Variants in SCMH1 observed in about 807,000 individuals in gnomAD.
SCMH1 encodes Scm polycomb group protein homolog 1, also known as polycomb protein SCMH1.
In SCMH1, 37 loss-of-function variants were observed where a neutral mutation model predicts 70.8. That is an observed-to-expected ratio of 0.52 (90% confidence interval 0.40 to 0.69). The LOEUF (loss-of-function observed/expected upper bound fraction) is 0.69, where lower values mean the gene tolerates loss of function less well. SCMH1 is among the 30% of genes least tolerant of loss of function. The probability of loss-of-function intolerance (pLI) is 0.00; values close to 1 mark genes in which losing one functional copy is unlikely to be tolerated. For synonymous variants in SCMH1, 292 were observed against 307.4 expected (o/e 0.95, Z 0.52); for missense variants, 607 against 827.3 (o/e 0.73, Z 3.27).
In SCMH1 at chr1:41,143,127, G is replaced by A; in HGVS notation, c.178-15C>T. ...GGTGTGTAGGACTGGGAAAAACAAGGCATGAGGTATAGACAGATTAAGAGT... is the reference window on the plus strand; with the variant it reads ...GGTGTGTAGGACTGGGAAAAACAAGACATGAGGTATAGACAGATTAAGAGT... On this transcript the variant is annotated splice_polypyrimidine_tract_variant and intron_variant, in intron 5 of 14. Transcript: ENST00000337495. The A allele has an allele frequency of 3.7e-6, 6 of 1,603,890 alleles. No individual in the cohort carries two copies. The highest frequency in any genetic ancestry group is 5.1e-6 in the Non-Finnish European group (6 of 1,170,866).
intron 1 of SCMH1, among the ~76,000 whole-genome samples, chr1:41,231,057 C>G (rs1661206081): frequency 6.6e-6 from 1 of 152,166 alleles, no homozygotes; most frequent in Admixed American, 6.5e-5. Flanking sequence ...GAGAACAGAA[C>G]AGTAGAATTC....
chr1:41,036,910 C>T (rs1017439750), intron 13 of SCMH1, among the ~76,000 whole-genome samples: 1 of 152,160 alleles, frequency 6.6e-6, no homozygotes, highest in African/African-American at 2.4e-5. Flanking sequence ...CCCTTGAACA[C>T]CAAGCTTGGG....
At chr1:41,096,615 A>G (rs1403443251) in intron 8 of SCMH1, among the ~76,000 whole-genome samples, 1 of 152,110 alleles carries the variant, frequency 6.6e-6, no homozygotes, top group Non-Finnish European at 1.5e-5. Context: ...AAAAGAAATA[A>G]AACACTCATC....
chr1:41,071,587 C>T (rs1206382738), intron 9 of SCMH1, among the ~76,000 whole-genome samples: 1 of 152,002 alleles, frequency 6.6e-6, no homozygotes, highest in Admixed American at 6.5e-5. Context: ...TGAGAGAAAT[C>T]TATTATTTCC....
At chr1:41,082,366 C>CTAAT (rs1660282560) in intron 8 of SCMH1, among the ~76,000 whole-genome samples, 1 of 152,172 alleles carries the variant, frequency 6.6e-6, no homozygotes, top group African/African-American at 2.4e-5. Context: ...CAGCGGATCT[C>CTAAT]TCGGCAGAAA....
At chr1:41,132,068 T>C (rs1038402094) in intron 6 of SCMH1, among the ~76,000 whole-genome samples, 3 of 152,240 alleles carry the variant, frequency 2.0e-5, no homozygotes, top group African/African-American at 7.2e-5. Flanking sequence ...TACCCAGTAA[T>C]GGGATCACTG....
chr1:41,234,927 T>G (rs1662058010), intron 1 of SCMH1, among the ~76,000 whole-genome samples: 1 of 152,100 alleles, frequency 6.6e-6, no homozygotes, highest in South Asian at 2.1e-4. Context: ...TTGAATATGT[T>G]TCCACCACGC....
chr1:41,164,733 AT>A (rs937828143), intron 2 of SCMH1, among the ~76,000 whole-genome samples: 1 of 151,132 alleles, frequency 6.6e-6, no homozygotes, highest in East Asian at 1.9e-4. Flanking sequence ...TATCCCCTTT[AT>A]TTTTTTTGCT....
At chr1:41,153,737 G>A (rs1268618941) in intron 4 of SCMH1, among the ~76,000 whole-genome samples, 1 of 152,060 alleles carries the variant, frequency 6.6e-6, no homozygotes, top group Non-Finnish European at 1.5e-5. Flanking sequence ...GACTTCTTGG[G>A]CTACCTAAGG....
chr1:41,206,740 T>A (rs868831396), intron 1 of SCMH1, among the ~76,000 whole-genome samples: 4 of 152,068 alleles, frequency 2.6e-5, no homozygotes, highest in Non-Finnish European at 5.9e-5. Flanking sequence ...CACATAATTG[T>A]CAAATTTACC....
chr1:41,135,645 G>C (rs1643176656), intron 6 of SCMH1, among the ~76,000 whole-genome samples: 1 of 152,180 alleles, frequency 6.6e-6, no homozygotes, highest in East Asian at 1.9e-4. Flanking sequence ...AGCAGCAGGA[G>C]AACGGACTAA....
intron 6 of SCMH1, among the ~76,000 whole-genome samples, chr1:41,127,500 G>C (rs1465834527): frequency 2.0e-5 from 3 of 152,052 alleles, no homozygotes; most frequent in Non-Finnish European, 4.4e-5. Context: ...AGTTTATTCT[G>C]ACATACGCTG....
chr1:41,136,566 G>A (rs1643364980), intron 6 of SCMH1, among the ~76,000 whole-genome samples: 1 of 151,352 alleles, frequency 6.6e-6, no homozygotes, highest in African/African-American at 2.4e-5. Flanking sequence ...TAGAGACGGG[G>A]TTTTACCATG....
At chr1:41,142,397 T>A (rs1644176327) in intron 6 of SCMH1, among the ~76,000 whole-genome samples, 1 of 152,188 alleles carries the variant, frequency 6.6e-6, no homozygotes, top group Non-Finnish European at 1.5e-5. Flanking sequence ...GCTTAAATTT[T>A]AAAAAATGAT....
At position 41,079,894 on chromosome 1, in the gene SCMH1, AT is replaced by A. The variant is rs1450722559; in HGVS notation, c.746-4444del. On this transcript the variant is annotated intron_variant, in intron 8 of 14. Transcript: ENST00000337495. ...CTGTACTTTATTTTGGATATTTTCT[AT>A]TTTTTCATCAAGTTTATTACTCCTT... Among the ~76,000 whole-genome samples, 3 of 151,936 alleles carry A rather than the reference AT, an allele frequency of 2.0e-5. No individual in the cohort carries two copies. The East Asian group carries it at 5.8e-4, about 29-fold the overall frequency.
At chr1:41,112,157 A>C (rs569012346) in intron 8 of SCMH1, among the ~76,000 whole-genome samples, 2 of 152,268 alleles carry the variant, frequency 1.3e-5, no homozygotes, top group East Asian at 3.9e-4. Flanking sequence ...CTTGATTTAA[A>C]TGTTTACCAT....
chr1:41,221,893 C>CAAAAAA (rs34257855), intron 1 of SCMH1, among the ~76,000 whole-genome samples: 5 of 45,060 alleles, frequency 1.1e-4, no homozygotes, highest in Non-Finnish European at 1.8e-4. Context: ...GACTCCGTCT[C>CAAAAAA]AAAAAAAAAA....
At chr1:41,166,310 T>A (rs990878607) in intron 2 of SCMH1, among the ~76,000 whole-genome samples, 6 of 152,110 alleles carry the variant, frequency 3.9e-5, no homozygotes, top group African/African-American at 1.4e-4. Flanking sequence ...GTCAAGATTG[T>A]TTGGCTATTT....
At chr1:41,080,297 T>C (rs188322167) in intron 8 of SCMH1, among the ~76,000 whole-genome samples, 17 of 152,158 alleles carry the variant, frequency 1.1e-4, no homozygotes, top group African/African-American at 3.9e-4. Context: ...TTCTAGCAAA[T>C]ATTTAAAGAA....
Sources: allele counts gnomAD v4.1 joint callset (sites outside exome capture counted in the v4.1 genomes callset), GRCh38; gene constraint gnomAD v4.1.1; transcripts MANE v1.5; gene names NCBI Gene and HGNC (gene_info 2026-07-23, HGNC 2026-07-21).